CPA6: variants seen among roughly 807,000 people sequenced by gnomAD.
The protein encoded by CPA6 is carboxypeptidase B.
A neutral mutation model predicts 63.3 loss-of-function variants in CPA6; 58 were observed. The observed-to-expected ratio is 0.92, with a 90% confidence interval of 0.74 to 1.14. The LOEUF is 1.14. Ranked by LOEUF, CPA6 falls within the 50% of genes most tolerant of loss-of-function variation. The pLI, the probability that CPA6 is intolerant of heterozygous loss-of-function variation, is 0.00. For synonymous variants in CPA6, 185 were observed against 179.0 expected (o/e 1.03, Z -0.27); for missense variants, 565 against 526.6 (o/e 1.07, Z -0.71).
chr8:67,743,324 G>A (rs1299196063), intron 1 of CPA6, among the ~76,000 whole-genome samples: 1 of 151,820 alleles, frequency 6.6e-6, no homozygotes, highest in African/African-American at 2.4e-5. Context: ...TAATTTTTGT[G>A]GGTATATAGA....
chr8:67,502,430 T>G (rs1014691046), intron 6 of CPA6, among the ~76,000 whole-genome samples: 2 of 152,230 alleles, frequency 1.3e-5, no homozygotes, highest in African/African-American at 4.8e-5. Context: ...GCTACTGCAC[T>G]CCAGTCAGCT....
At chr8:67,619,243 G>A (rs972285829) in intron 2 of CPA6, among the ~76,000 whole-genome samples, 1 of 152,184 alleles carries the variant, frequency 6.6e-6, no homozygotes, top group Non-Finnish European at 1.5e-5. Context: ...ATTCATATAT[G>A]AATCTGAGAG....
intron 2 of CPA6, among the ~76,000 whole-genome samples, chr8:67,599,340 T>A (rs1814432493): frequency 6.6e-6 from 1 of 152,222 alleles, no homozygotes; most frequent in South Asian, 2.1e-4. Flanking sequence ...ACATGTTCTG[T>A]GTTCTGGACA....
chr8:67,651,053 G>T (rs1320668600), intron 1 of CPA6, among the ~76,000 whole-genome samples: 2 of 152,122 alleles, frequency 1.3e-5, no homozygotes, highest in Admixed American at 6.6e-5. Flanking sequence ...AAGAATCAAA[G>T]AATTGTTGTA....
chr8:67,690,053 G>A (rs1004119802), intron 1 of CPA6, among the ~76,000 whole-genome samples: 7 of 151,948 alleles, frequency 4.6e-5, no homozygotes, highest in Non-Finnish European at 1.0e-4. Context: ...TTATATGTTT[G>A]TTGGCTGCTT....
At chr8:67,598,910 T>C (rs1013941541) in intron 2 of CPA6, among the ~76,000 whole-genome samples, 2 of 152,234 alleles carry the variant, frequency 1.3e-5, no homozygotes, top group East Asian at 1.9e-4. Flanking sequence ...AGTGTTTTTT[T>C]TTAATACTAG....
chr8:67,624,165 T>C lies in CPA6; in HGVS notation c.192+11A>G. The C allele has an allele frequency of 2.7e-6, 4 of 1,474,014 alleles. No individual in the cohort carries two copies. Among genetic ancestry groups the C allele is most frequent in the Non-Finnish European group, 3.8e-6 (4 of 1,056,420 alleles). 91.3% of individuals were successfully genotyped at this position (1,474,014 alleles called of 1,614,324 possible). On this transcript the variant is annotated intron_variant, in intron 2 of 10. Coordinates refer to ENST00000297770, the MANE Select transcript of CPA6 (RefSeq NM_020361.5). ...CACAATTCTACCATAAGTGTGTAGA[T>C]GTTCTATTACCTTAAGTTGATAGGA...
At chr8:67,543,774 CTAT>C (rs56764745) in intron 2 of CPA6, among the ~76,000 whole-genome samples, 50 of 146,790 alleles carry the variant, frequency 3.4e-4, no homozygotes, top group African/African-American at 1.0e-3. Flanking sequence ...TCCCCCTCCA[CTAT>C]TATTATTATT....
intron 9 of CPA6, 112 bp from the exon 10 acceptor site, chr8:67,428,243 T>C (rs565166742): frequency 1.0e-5 from 6 of 593,378 alleles, no homozygotes; most frequent in Non-Finnish European, 1.5e-5. Context: ...TTGGTTAAGA[T>C]CTATATTCAT....
At chr8:67,646,660 G>A (rs1815720525) in intron 1 of CPA6, among the ~76,000 whole-genome samples, 1 of 152,226 alleles carries the variant, frequency 6.6e-6, no homozygotes, top group Admixed American at 6.5e-5. Context: ...CATAAGTGGA[G>A]TGGGGCAGAT....
intron 1 of CPA6, among the ~76,000 whole-genome samples, chr8:67,631,659 G>A (rs963006324): frequency 1.3e-5 from 2 of 152,210 alleles, no homozygotes; most frequent in African/African-American, 4.8e-5. Context: ...CAACCCACTA[G>A]GGTTCTCTTC....
At chr8:67,690,401 A>G (rs1418734755) in intron 1 of CPA6, among the ~76,000 whole-genome samples, 1 of 152,218 alleles carries the variant, frequency 6.6e-6, no homozygotes, top group African/African-American at 2.4e-5. Context: ...CTGTATGACT[A>G]TTTCTCAGCA....
At chr8:67,543,774 C>CTAT (rs56764745) in intron 2 of CPA6, among the ~76,000 whole-genome samples, 4,381 of 146,812 alleles carry the variant, frequency 0.03, 128 homozygotes, top group Admixed American at 0.092. Context: ...TCCCCCTCCA[C>CTAT]TATTATTATT....
At chr8:67,716,112 C>A (rs1817372508) in intron 1 of CPA6, among the ~76,000 whole-genome samples, 1 of 142,924 alleles carries the variant, frequency 7.0e-6, no homozygotes, top group Non-Finnish European at 1.5e-5. Flanking sequence ...CGAGATCACG[C>A]CATTGTACTC....
At chr8:67,626,760 A>G (rs2128987365) in intron 1 of CPA6, among the ~76,000 whole-genome samples, 1 of 152,094 alleles carries the variant, frequency 6.6e-6, no homozygotes, top group East Asian at 1.9e-4. Context: ...TTTTTGATGG[A>G]TGGATCACTT....
At chr8:67,662,646 T>A (rs1007681090) in intron 1 of CPA6, among the ~76,000 whole-genome samples, 5 of 151,552 alleles carry the variant, frequency 3.3e-5, no homozygotes, top group African/African-American at 1.2e-4. Flanking sequence ...CACATGTATA[T>A]GTATATATAG....
intron 2 of CPA6, among the ~76,000 whole-genome samples, chr8:67,577,922 T>C (rs1040894883): frequency 1.3e-5 from 2 of 152,168 alleles, no homozygotes; most frequent in African/African-American, 4.8e-5. Flanking sequence ...TCAACTCACC[T>C]GAGATGATAA....
At chr8:67,595,202 G>A (rs190295537) in intron 2 of CPA6, among the ~76,000 whole-genome samples, 66 of 152,288 alleles carry the variant, frequency 4.3e-4, no homozygotes, top group African/African-American at 1.3e-3. Flanking sequence ...GCGGATTTTC[G>A]TGATCCATGA....
intron 2 of CPA6, among the ~76,000 whole-genome samples, chr8:67,590,631 A>G (rs1395391118): frequency 3.9e-5 from 6 of 152,266 alleles, no homozygotes; most frequent in East Asian, 1.9e-4. Context: ...GCATTTCTCT[A>G]ATGGCCAGTG....
Sources: allele counts gnomAD v4.1 joint callset (sites outside exome capture counted in the v4.1 genomes callset), GRCh38; gene constraint gnomAD v4.1.1; transcripts MANE v1.5; gene names NCBI Gene and HGNC (gene_info 2026-07-23, HGNC 2026-07-21).